The following CRYBB1 variants were observed in gnomAD, a reference collection of about 807,000 sequenced individuals.
CRYBB1 encodes beta-crystallin B1.
CRYBB1 carries 16 observed loss-of-function variants against 29.5 expected under a neutral mutation model. The ratio of observed to expected loss-of-function variants is 0.54; its 90% CI spans 0.37 to 0.82. CRYBB1 has a LOEUF of 0.82. Among genes scored for constraint, CRYBB1 ranks in the 40% least tolerant of loss-of-function variants. The probability of loss-of-function intolerance (pLI) is 0.00; values close to 1 mark genes in which losing one functional copy is unlikely to be tolerated. For synonymous variants in CRYBB1, 127 were observed against 136.7 expected, an observed-to-expected ratio of 0.93 and a Z score of 0.49; for missense variants, 300 against 350.5, an observed-to-expected ratio of 0.86 and a Z score of 1.15.
chr22:26,599,536 T>C lies in CRYBB1; in HGVS notation c.713A>G (p.His238Arg). ...SLRRLRDKQW[H>R]LEGSFPVLAT... ...CAGGACAGGGAAGGACCCCTCGAGG[T>C]GCCACTGCTTGTCACGCAGGCGACG... Residue 238 changes from histidine to arginine, a missense_variant, in exon 6 of 6, where the codon CAC becomes CGC. Coordinates refer to ENST00000647684, the MANE Select transcript of CRYBB1 (RefSeq NM_001887.4). 6.2e-7 allele frequency: 1 copy of C among 1,613,872 alleles called. No individual in the cohort carries two copies. The highest frequency in any genetic ancestry group is 8.5e-7 in the Non-Finnish European group (1 of 1,180,042).
chr22:26,605,548 C>T (rs1928948190), intron 4 of CRYBB1, among the ~76,000 whole-genome samples: 2 of 151,776 alleles, frequency 1.3e-5, no homozygotes, highest in Non-Finnish European at 2.9e-5. Flanking sequence ...GCGGTGCACA[C>T]CTATAATCCC....
chr22:26,606,692 T>A (rs1478036682), intron 4 of CRYBB1, among the ~76,000 whole-genome samples: 1 of 152,228 alleles, frequency 6.6e-6, no homozygotes, highest in Non-Finnish European at 1.5e-5. Flanking sequence ...AATAATCCAT[T>A]AAGATAAATT....
rs1229970149 is a variant in CRYBB1, at chr22:26,599,468, G to A, written c.*22C>T. On this transcript the variant is annotated 3_prime_UTR_variant, in exon 6 of 6. Coordinates refer to ENST00000647684, the MANE Select transcript of CRYBB1 (RefSeq NM_001887.4). ...TGAACATGAAGAAGGGTTGGGGCAA[G>A]GTAGCAGAGTGAGGTGTGGACTCAC... 3.8e-6 allele frequency: 6 copies of A among 1,599,358 alleles called. No individual in the cohort carries two copies. Among genetic ancestry groups the A allele is most frequent in the South Asian group, 1.1e-5 (1 of 90,786 alleles).
intron 3 of CRYBB1, among the ~76,000 whole-genome samples, chr22:26,608,689 T>A (rs1253296359): frequency 6.6e-6 from 1 of 152,184 alleles, no homozygotes; most frequent in Non-Finnish European, 1.5e-5. Flanking sequence ...AAATGAAATA[T>A]ATTAAATGAA....
chr22:26,617,711 C>A (rs1462088964), intron 1 of CRYBB1, among the ~76,000 whole-genome samples: 1 of 151,986 alleles, frequency 6.6e-6, no homozygotes, highest in African/African-American at 2.4e-5. Flanking sequence ...GTTCCTCTCT[C>A]CCCCACTATC....
chr22:26,615,262 G>A (rs1229287022), intron 2 of CRYBB1, among the ~76,000 whole-genome samples: 2 of 152,174 alleles, frequency 1.3e-5, no homozygotes, highest in Non-Finnish European at 2.9e-5. Flanking sequence ...ATGCCTTTCA[G>A]CCCAGACCAC....
chr22:26,615,310 C>T (rs1045946896), intron 2 of CRYBB1, among the ~76,000 whole-genome samples: 1 of 152,118 alleles, frequency 6.6e-6, no homozygotes, highest in Non-Finnish European at 1.5e-5. Context: ...ATCCTGCTGC[C>T]CCAGTGAGCC....
rs1017163439 is a variant in CRYBB1, at chr22:26,601,950, C to T, written c.504G>A (p.Gly168=). 7 of 1,613,308 alleles carry T rather than the reference C, an allele frequency of 4.3e-6. No homozygotes were observed. The highest frequency in any genetic ancestry group is 2.7e-5 in the African/African-American group (2 of 74,852). The change falls in exon 5 of 6, where the codon GGG becomes GGA. Residue 168 remains glycine (G), a synonymous_variant. Transcript: ENST00000647684. ...NFKGNTIEIQ[G]DDAPSLWVYG... is the part of the protein sequence containing the mutation. ...AGACCCAGAGACTGGGTGCGTCGTCCCCCTGGATCTCTATGGTGTTGCCCT... is the reference window on the plus strand; with the variant it reads ...AGACCCAGAGACTGGGTGCGTCGTCTCCCTGGATCTCTATGGTGTTGCCCT...
At position 26,607,978 on chromosome 22, in the gene CRYBB1, T is replaced by C; in HGVS notation, c.343A>G (p.Ile115Val). 6.2e-7 allele frequency: 1 copy of C among 1,614,182 alleles called. No individual in the cohort carries two copies. Among genetic ancestry groups the C allele is most frequent in the Non-Finnish European group, 8.5e-7 (1 of 1,180,034 alleles). Residue 115 changes from isoleucine to valine, a missense_variant, in exon 4 of 6, where the codon ATC becomes GTC. Transcript: ENST00000647684. ...EQSNFRGEMF[I>V]LEKGEYPRWN... is the part of the protein sequence containing the mutation. ...CGAGGGTACTCGCCCTTCTCCAGGATGAACATCTCCCCGCGGAAGTTGGAC... is the reference window on the plus strand; with the variant it reads ...CGAGGGTACTCGCCCTTCTCCAGGACGAACATCTCCCCGCGGAAGTTGGAC...
chr22:26,616,099 A>G (rs1436081470), intron 2 of CRYBB1, 41 bp downstream of exon 2: 1 of 1,533,816 alleles, frequency 6.5e-7, no homozygotes, highest in South Asian at 1.1e-5. Context: ...AAGGAAGGAA[A>G]GAAGGCATGG....
At chr22:26,615,380 TC>T (rs1267463637) in intron 2 of CRYBB1, among the ~76,000 whole-genome samples, 3 of 152,182 alleles carry the variant, frequency 2.0e-5, no homozygotes, top group African/African-American at 7.2e-5. Flanking sequence ...TCTTTTTTTT[TC>T]TTGCTTTCGA....
chr22:26,601,502 C>A (rs1349497131), intron 5 of CRYBB1, among the ~76,000 whole-genome samples: 1 of 151,748 alleles, frequency 6.6e-6, no homozygotes, highest in Non-Finnish European at 1.5e-5. Context: ...TCATTCTGTT[C>A]ATTCTCCCAG....
intron 2 of CRYBB1, among the ~76,000 whole-genome samples, chr22:26,614,281 A>G (rs900994425): frequency 7.9e-5 from 12 of 152,022 alleles, no homozygotes; most frequent in Non-Finnish European, 1.2e-4. Context: ...CCTAATAAAA[A>G]CTTGCTGGTT....
chr22:26,599,782 C>T, intron 5 of CRYBB1, 109 bp from the exon 6 acceptor site: 2 of 850,684 alleles, frequency 2.4e-6, no homozygotes, highest in South Asian at 2.8e-5. Context: ...GTCGGCTGCT[C>T]TCTCACTTCT....
intron 2 of CRYBB1, 65 bp downstream of exon 2, chr22:26,616,075 A>G (rs1473469949): frequency 3.2e-6 from 4 of 1,254,726 alleles, no homozygotes; most frequent in African/African-American, 3.0e-5. Context: ...GGAGGAGAAG[A>G]AGGAGGAGGA....
intron 4 of CRYBB1, among the ~76,000 whole-genome samples, chr22:26,606,930 G>T (rs1364904631): frequency 6.6e-6 from 1 of 151,314 alleles, no homozygotes; most frequent in Non-Finnish European, 1.5e-5. Context: ...TCTTCTGGAA[G>T]TTGACTTAGT....
intron 5 of CRYBB1, among the ~76,000 whole-genome samples, chr22:26,601,180 C>G (rs1158734799): frequency 3.3e-5 from 5 of 152,120 alleles, no homozygotes; most frequent in Non-Finnish European, 7.3e-5. Context: ...AGAGACAGAG[C>G]CTTACGTTTA....
intron 4 of CRYBB1, among the ~76,000 whole-genome samples, chr22:26,604,832 C>T (rs181195082): frequency 8.5e-5 from 13 of 152,280 alleles, no homozygotes; most frequent in Non-Finnish European, 1.0e-4. Flanking sequence ...ATTACTGTTA[C>T]GGTCTTGAGG....
At chr22:26,609,590 A>G (rs559109530) in intron 3 of CRYBB1, among the ~76,000 whole-genome samples, 2 of 152,302 alleles carry the variant, frequency 1.3e-5, no homozygotes, top group Non-Finnish European at 2.9e-5. Context: ...GATGGAGAAC[A>G]CATGGTGGGT....
Sources: gnomAD v4.1 joint callset for allele counts (sites outside exome capture counted in the v4.1 genomes callset) on GRCh38, gnomAD v4.1.1 for gene constraint, MANE v1.5 for transcripts, NCBI Gene and HGNC (gene_info 2026-07-23, HGNC 2026-07-21) for gene names.